PRR5: variants seen among roughly 807,000 people sequenced by gnomAD.
The protein encoded by PRR5 is proline rich 5, also known as proline-rich protein 5.
PRR5 carries 25 observed loss-of-function variants against 30.6 expected under a neutral mutation model. The ratio of observed to expected loss-of-function variants is 0.82; its 90% confidence interval spans 0.60 to 1.14. The LOEUF (loss-of-function observed/expected upper bound fraction) is 1.14. Ranked by LOEUF, PRR5 falls within the 50% of genes most tolerant of loss-of-function variation. The probability of loss-of-function intolerance (pLI) is 0.00; values close to 1 mark genes in which losing one functional copy is unlikely to be tolerated. For synonymous variants in PRR5, 286 were observed against 247.1 expected, an observed-to-expected ratio of 1.16 and a Z score of -1.48; for missense variants, 600 against 547.1, an observed-to-expected ratio of 1.10 and a Z score of -0.96.
intron 1 of PRR5, among the ~76,000 whole-genome samples, chr22:44,705,059 C>G (rs1926964058): frequency 6.6e-6 from 1 of 152,110 alleles, no homozygotes. Flanking sequence ...CAAGACACAC[C>G]CCCTTTTATC....
At chr22:44,712,432 C>T (rs2147068373) in intron 1 of PRR5, among the ~76,000 whole-genome samples, 1 of 152,328 alleles carries the variant, frequency 6.6e-6, no homozygotes, top group Non-Finnish European at 1.5e-5. Context: ...TGACCCTGCC[C>T]TGCGCCAGCG....
chr22:44,700,579 G>A (rs934474314), upstream of PRR5, among the ~76,000 whole-genome samples: 6 of 152,190 alleles, frequency 3.9e-5, no homozygotes, highest in Non-Finnish European at 1.5e-5. Context: ...TGACCACAGT[G>A]GTGCCACTGC....
Position 44,737,318 on chromosome 22 carries a change from T to A in PRR5, c.*71T>A. ...CGGGGGTGTCCATGTGGCGTGTGTG[T>A]GAGTGAGACTTTTTTACTGCGTCCC... On this transcript the variant is annotated 3_prime_UTR_variant, in exon 8 of 8. Transcript: ENST00000336985. 2 of 1,516,700 alleles carry A rather than the reference T, an allele frequency of 1.3e-6. No individual in the cohort carries two copies. The highest frequency in any genetic ancestry group is 1.8e-6 in the Non-Finnish European group (2 of 1,132,156). The allele number at this position is 1,516,700 out of a possible 1,614,324, so 94.0% of individuals were successfully genotyped here.
At chr22:44,681,552 C>T (rs1924284437) in intron 1 of PRR5, among the ~76,000 whole-genome samples, 1 of 151,222 alleles carries the variant, frequency 6.6e-6, no homozygotes, top group African/African-American at 2.4e-5. Flanking sequence ...CGCACCACTG[C>T]ACTCCAGCCT....
chr22:44,681,592 G>GA (rs71744414), intron 1 of PRR5, among the ~76,000 whole-genome samples: 113 of 129,482 alleles, frequency 8.7e-4, no homozygotes, highest in Non-Finnish European at 9.7e-4. Flanking sequence ...TTGTCTCAAA[G>GA]AAAAAAAAAA....
At chr22:44,696,606 G>A (rs1925767025) in intron 1 of PRR5, among the ~76,000 whole-genome samples, 1 of 152,144 alleles carries the variant, frequency 6.6e-6, no homozygotes, top group South Asian at 2.1e-4. Flanking sequence ...CCACCAGGGT[G>A]GAGAAGGGCT....
intron 1 of PRR5, among the ~76,000 whole-genome samples, chr22:44,695,708 C>G (rs1478208526): frequency 2.6e-5 from 4 of 151,808 alleles, no homozygotes; most frequent in African/African-American, 9.7e-5. Context: ...AAGCAATTCT[C>G]TTGCCTCAGC....
intron 2 of PRR5, among the ~76,000 whole-genome samples, chr22:44,723,720 CAAAAAT>C (rs796155431): frequency 8.3e-4 from 126 of 152,090 alleles, no homozygotes; most frequent in African/African-American, 2.9e-3. Context: ...ATTCCATCTC[CAAAAAT>C]AAAAATAAAA....
At chr22:44,678,461 C>A (rs1194096812) in intron 1 of PRR5, among the ~76,000 whole-genome samples, 1 of 151,910 alleles carries the variant, frequency 6.6e-6, no homozygotes, top group Non-Finnish European at 1.5e-5. Context: ...ATTACAGGCG[C>A]CCGCCACCAC....
chr22:44,700,498 G>GCCA (rs1926157976), upstream of PRR5, among the ~76,000 whole-genome samples: 1 of 151,754 alleles, frequency 6.6e-6, no homozygotes, highest in Non-Finnish European at 1.5e-5. Flanking sequence ...GGTGGCACAT[G>GCCA]CCTTGTAGTC....
intron 1 of PRR5, among the ~76,000 whole-genome samples, chr22:44,702,869 G>T (rs1926568357): frequency 6.6e-6 from 1 of 152,224 alleles, no homozygotes; most frequent in Non-Finnish European, 1.5e-5. Context: ...CGGGTGGGCG[G>T]CGGGGTGGGC....
chr22:44,704,329 G>A (rs1926846074), intron 1 of PRR5, among the ~76,000 whole-genome samples: 1 of 152,028 alleles, frequency 6.6e-6, no homozygotes, highest in African/African-American at 2.4e-5. Flanking sequence ...GTCCTGCTGC[G>A]GGTCCCCAGA....
At chr22:44,687,479 T>C (rs923332826) in intron 1 of PRR5, among the ~76,000 whole-genome samples, 3 of 152,238 alleles carry the variant, frequency 2.0e-5, no homozygotes, top group African/African-American at 7.2e-5. Flanking sequence ...GACCCATGGC[T>C]AGAGTCCCTC....
intron 1 of PRR5, among the ~76,000 whole-genome samples, chr22:44,696,357 T>C (rs1925744792): frequency 6.6e-6 from 1 of 152,096 alleles, no homozygotes; most frequent in Non-Finnish European, 1.5e-5. Context: ...AGGCACCTAT[T>C]GAGAGACTAG....
chr22:44,735,032 A>G lies in PRR5; in HGVS notation c.561A>G (p.Val187=). 6.2e-7 allele frequency: 1 copy of G among 1,612,442 alleles called. No individual in the cohort carries two copies. Among genetic ancestry groups the G allele is most frequent in the Non-Finnish European group, 8.5e-7 (1 of 1,179,372 alleles). The change falls in exon 7 of 8, where the codon GTA becomes GTG. Residue 187 remains valine (V), a synonymous_variant. Transcript: ENST00000336985. ...IVQMLLVLQG[V]HESRGVTEDY... is the part of the protein sequence containing the mutation. The stretch of plus-strand genomic sequence containing the variant: ...CCTGCCCCACTCTCCTGCAGGGGGT[A>G]CATGAGTCCAGGGGCGTGACTGAGG...
At chr22:44,707,704 C>T (rs1264487913) in intron 1 of PRR5, among the ~76,000 whole-genome samples, 1 of 152,244 alleles carries the variant, frequency 6.6e-6, no homozygotes, top group Non-Finnish European at 1.5e-5. Context: ...TGGGGATCCC[C>T]AGCAGGGCTC....
chr22:44,716,648 C>T (rs1929096065), intron 2 of PRR5, among the ~76,000 whole-genome samples: 3 of 152,208 alleles, frequency 2.0e-5, no homozygotes, highest in Admixed American at 2.0e-4. Flanking sequence ...ACGTGGGTTG[C>T]TTGAGGTCAC....
At chr22:44,736,704 C>A (rs1028356175) in intron 7 of PRR5, 68 bp from the exon 8 acceptor site, 3 of 1,507,214 alleles carry the variant, frequency 2.0e-6, no homozygotes, top group Non-Finnish European at 2.7e-6. Flanking sequence ...GTGCAGTGAG[C>A]AGCAGGTGCC....
chr22:44,702,558 C>A lies in PRR5; in HGVS notation c.84C>A (p.Asp28Glu). ...AGAGAGAGCCGGCCGCCGCCGCGGA[C>A]GAGCGGGGCACGCAGCAGCGCCGGG... is the stretch of plus-strand genomic sequence containing the variant. ...LGKREPAAAA[D>E]ERGTQQRRAC... is the part of the protein sequence containing the mutation. The change falls in exon 1 of 8, where the codon GAC (aspartate) becomes GAA (glutamate). Residue 28 changes from aspartate to glutamate, a missense_variant. Asp to Glu is a conservative substitution (Grantham distance 45). Coordinates refer to ENST00000336985, the MANE Select transcript of PRR5 (RefSeq NM_181333.4). 1 of 1,439,840 alleles carries A rather than the reference C, an allele frequency of 6.9e-7. No homozygotes were observed. Among genetic ancestry groups the A allele is most frequent in the Non-Finnish European group, 9.1e-7 (1 of 1,095,458 alleles). 89.2% of individuals were successfully genotyped at this position (1,439,840 alleles called of 1,614,324 possible). A position where few individuals can be genotyped will look rare whatever the true frequency, so the allele number is the denominator to read the frequency against.
Sources: gnomAD v4.1 joint callset for allele counts (sites outside exome capture counted in the v4.1 genomes callset) on GRCh38, gnomAD v4.1.1 for gene constraint, MANE v1.5 for transcripts, NCBI Gene and HGNC (gene_info 2026-07-23, HGNC 2026-07-21) for gene names.